Variants in TNS3 observed in about 807,000 individuals in gnomAD.
TNS3 encodes tensin 3.
In TNS3, 45 loss-of-function variants were observed where a neutral mutation model predicts 140.9. The observed-to-expected ratio is 0.32, with a 90% confidence interval of 0.25 to 0.41. The LOEUF (loss-of-function observed/expected upper bound fraction) is 0.41. Ranked by LOEUF, TNS3 falls within the 10% of genes least tolerant of loss-of-function variation. The pLI is 1.00. For missense variants in TNS3, 1,716 were observed against 1,906.7 expected, an observed-to-expected ratio of 0.90 and a Z score of 1.86; for synonymous variants, 815 against 788.4, an observed-to-expected ratio of 1.03 and a Z score of -0.56.
intron 1 of TNS3, among the ~76,000 whole-genome samples, chr7:47,538,725 C>A (rs1236242879): frequency 6.6e-6 from 1 of 152,206 alleles, no homozygotes; most frequent in Non-Finnish European, 1.5e-5. Context: ...ACACACCATT[C>A]TGGGTTCCAA....
intron 27 of TNS3, among the ~76,000 whole-genome samples, chr7:47,290,222 T>C (rs1051661193): frequency 6.6e-6 from 1 of 152,198 alleles, no homozygotes; most frequent in Non-Finnish European, 1.5e-5. Context: ...CCTTACTTCC[T>C]TCACAAAAAT....
chr7:47,454,574 T>C (rs544387389), intron 4 of TNS3, among the ~76,000 whole-genome samples: 3 of 151,952 alleles, frequency 2.0e-5, no homozygotes, highest in African/African-American at 7.2e-5. Flanking sequence ...TCCCGCATTT[T>C]ACAATGGAGG....
intron 20 of TNS3, among the ~76,000 whole-genome samples, chr7:47,340,060 T>C (rs958669732): frequency 7.9e-5 from 11 of 140,118 alleles, no homozygotes; most frequent in Admixed American, 1.5e-4. Flanking sequence ...TGTGTATATA[T>C]ATACATACGA....
intron 20 of TNS3, among the ~76,000 whole-genome samples, chr7:47,333,818 T>C (rs987178290): frequency 1.3e-5 from 2 of 152,226 alleles, no homozygotes; most frequent in African/African-American, 4.8e-5. Context: ...AATAAGAAAG[T>C]GCATTCTGAA....
At position 47,411,830 on chromosome 7, in the gene TNS3, T is replaced by A. The variant is rs150244399; in HGVS notation, c.648-28A>T. ...TTGGGATGAAGAAGAAGGTAGATCA[T>A]TATGCAACTTCATGATTTTGTGGGA... On this transcript the variant is annotated intron_variant, in intron 12 of 30. Coordinates refer to ENST00000311160, the MANE Select transcript of TNS3 (RefSeq NM_022748.12). 1.1e-4 allele frequency: 183 copies of A among 1,603,670 alleles called. No individual in the cohort carries two copies. The East Asian group carries it at 4.1e-3, about 36-fold the overall frequency.
At chr7:47,559,898 G>A (rs1285109803) in intron 1 of TNS3, among the ~76,000 whole-genome samples, 4 of 152,178 alleles carry the variant, frequency 2.6e-5, no homozygotes, top group Admixed American at 2.6e-4. Flanking sequence ...ATCTGATGAA[G>A]CTACAAACCC....
chr7:47,445,193 G>A (rs765486327), intron 4 of TNS3, among the ~76,000 whole-genome samples: 5 of 152,114 alleles, frequency 3.3e-5, no homozygotes, highest in African/African-American at 7.2e-5. Flanking sequence ...CCCCAGACCC[G>A]CATCTGTCCA....
intron 4 of TNS3, among the ~76,000 whole-genome samples, chr7:47,444,276 G>A (rs1486391662): frequency 1.3e-5 from 2 of 152,190 alleles, no homozygotes; most frequent in African/African-American, 4.8e-5. Flanking sequence ...ACCAGACCAC[G>A]CATCCAAAAT....
chr7:47,392,477 G>A (rs1215712790), intron 16 of TNS3, among the ~76,000 whole-genome samples: 6 of 152,326 alleles, frequency 3.9e-5, no homozygotes, highest in East Asian at 1.9e-4. Context: ...TTAACCAGGC[G>A]GCGGGGGGAT....
At chr7:47,297,315 A>C (rs548174307) in intron 23 of TNS3, 102 bp from the exon 24 acceptor site, 15 of 1,425,348 alleles carry the variant, frequency 1.1e-5, no homozygotes, top group Non-Finnish European at 1.4e-5. Flanking sequence ...TCTTTTTGCA[A>C]ACTGGATCAG....
At chr7:47,479,376 C>A (rs1432073285) in intron 4 of TNS3, among the ~76,000 whole-genome samples, 3 of 152,184 alleles carry the variant, frequency 2.0e-5, no homozygotes, top group Non-Finnish European at 4.4e-5. Context: ...GGGCCTCAGC[C>A]CCTGGCTCCC....
At chr7:47,405,570 T>A (rs929334797) in intron 13 of TNS3, 1 of 702,950 alleles carries the variant, frequency 1.4e-6, no homozygotes, top group African/African-American at 1.7e-5. Flanking sequence ...CTAAAGCAAT[T>A]GAAAGGTGGG....
At chr7:47,524,630 G>A (rs1247836442) in intron 2 of TNS3, among the ~76,000 whole-genome samples, 3 of 149,456 alleles carry the variant, frequency 2.0e-5, no homozygotes, top group South Asian at 2.2e-4. Flanking sequence ...GTGAAACCCC[G>A]TCTCTACTAA....
At chr7:47,328,320 C>A (rs1788142919) in intron 20 of TNS3, among the ~76,000 whole-genome samples, 1 of 152,236 alleles carries the variant, frequency 6.6e-6, no homozygotes. Context: ...CCTGGCCCCG[C>A]CTTGCTCACT....
At chr7:47,295,999 G>A (rs1268968473) in intron 24 of TNS3, among the ~76,000 whole-genome samples, 2 of 152,268 alleles carry the variant, frequency 1.3e-5, no homozygotes, top group East Asian at 3.9e-4. Flanking sequence ...CCCACTCCTA[G>A]TGAATCAAGC....
At chr7:47,282,515 A>G (rs1785200088) in intron 28 of TNS3, among the ~76,000 whole-genome samples, 5 of 151,692 alleles carry the variant, frequency 3.3e-5, no homozygotes, top group Admixed American at 2.0e-4. Flanking sequence ...AGTGGGGCTG[A>G]GCCATGCCCC....
intron 20 of TNS3, among the ~76,000 whole-genome samples, chr7:47,315,937 T>G (rs568750218): frequency 6.6e-5 from 10 of 152,294 alleles, no homozygotes; most frequent in Non-Finnish European, 1.3e-4. Context: ...TAAAATAAAT[T>G]TAGCTGAGGT....
chr7:47,386,929 A>G (rs1792109256), intron 16 of TNS3, among the ~76,000 whole-genome samples: 2 of 152,226 alleles, frequency 1.3e-5, no homozygotes. Flanking sequence ...GAACACACCC[A>G]CTAGTCTCTG....
At chr7:47,355,523 A>T (rs1204184925) in intron 17 of TNS3, among the ~76,000 whole-genome samples, 1 of 152,168 alleles carries the variant, frequency 6.6e-6, no homozygotes, top group Non-Finnish European at 1.5e-5. Flanking sequence ...CACATGTGGG[A>T]CTGAACTCAG....
Sources: gnomAD v4.1 joint callset for allele counts (sites outside exome capture counted in the v4.1 genomes callset) on GRCh38, gnomAD v4.1.1 for gene constraint, MANE v1.5 for transcripts, NCBI Gene and HGNC (gene_info 2026-07-23, HGNC 2026-07-21) for gene names.